The following LINGO2 variants were observed in gnomAD, a reference collection of about 807,000 sequenced individuals.
The protein encoded by LINGO2 is leucine-rich repeat and immunoglobulin-like domain-containing nogo receptor-interacting protein 2.
In LINGO2, 14 loss-of-function variants were observed where a neutral mutation model predicts 30.6. The observed-to-expected ratio is 0.46, with a 90% CI of 0.30 to 0.72. LINGO2 has a LOEUF of 0.72. Among genes scored for constraint, LINGO2 ranks in the 30% least tolerant of loss-of-function variants. The pLI, the probability that LINGO2 is intolerant of heterozygous loss-of-function variation, is 0.07. For missense variants in LINGO2, 729 were observed against 751.7 expected (o/e 0.97, Z 0.35); for synonymous variants, 317 against 288.5 (o/e 1.10, Z -1.00).
intron 5 of LINGO2, among the ~76,000 whole-genome samples, chr9:27,998,806 C>G (rs1821798174): frequency 6.6e-6 from 1 of 152,038 alleles, no homozygotes; most frequent in African/African-American, 2.4e-5. Flanking sequence ...CAGAACAAAA[C>G]AAAACAGAAT....
intron 3 of LINGO2, among the ~76,000 whole-genome samples, chr9:28,342,901 G>C (rs1819406973): frequency 6.6e-6 from 1 of 152,040 alleles, no homozygotes; most frequent in African/African-American, 2.4e-5. Flanking sequence ...TGGTCTCGCT[G>C]TTCCTGGTGA....
At chr9:28,746,253 C>T in the LINGO2 span, among the ~76,000 whole-genome samples, 1 of 151,910 alleles carries the variant, frequency 6.6e-6, no homozygotes, top group African/African-American at 2.4e-5. Flanking sequence ...ATTCATAACT[C>T]CCCCTTAGGT....
intron 4 of LINGO2, among the ~76,000 whole-genome samples, chr9:28,024,047 T>G (rs1823261179): frequency 6.6e-6 from 1 of 152,108 alleles, no homozygotes; most frequent in African/African-American, 2.4e-5. Flanking sequence ...CTATGAGGAG[T>G]CCAAGAAATG....
intron 2 of LINGO2, among the ~76,000 whole-genome samples, chr9:28,417,835 T>C (rs996307068): frequency 7.9e-5 from 12 of 152,218 alleles, no homozygotes; most frequent in Non-Finnish European, 1.3e-4. Context: ...CTCAGTTGTA[T>C]TCATCTCCAT....
At chr9:28,473,480 C>T (rs1168499964) in intron 2 of LINGO2, among the ~76,000 whole-genome samples, 1 of 151,862 alleles carries the variant, frequency 6.6e-6, no homozygotes, top group Non-Finnish European at 1.5e-5. Flanking sequence ...TGTCTCTATT[C>T]CCACTACTGT....
intron 2 of LINGO2, among the ~76,000 whole-genome samples, chr9:28,437,687 A>G (rs879356124): frequency 6.6e-6 from 1 of 151,946 alleles, no homozygotes; most frequent in Non-Finnish European, 1.5e-5. Context: ...GCCATCTCCA[A>G]TTGTTAAACT....
At chr9:28,506,485 C>CAGACATAT (rs1820135121) in intron 1 of LINGO2, among the ~76,000 whole-genome samples, 6 of 73,398 alleles carry the variant, frequency 8.2e-5, no homozygotes, top group Admixed American at 5.4e-4. Flanking sequence ...CACACATACA[C>CAGACATAT]ATACACACAC....
At chr9:28,964,014 T>C in the LINGO2 span, among the ~76,000 whole-genome samples, 16 of 152,026 alleles carry the variant, frequency 1.1e-4, no homozygotes, top group East Asian at 3.1e-3. Context: ...CATCTAATTG[T>C]GTCAGATACT....
chr9:28,052,437 A>G lies in LINGO2; in HGVS notation c.-86-40032T>C, dbSNP rs185679788. 2.4e-3 allele frequency among the ~76,000 whole-genome samples: 364 copies of G among 152,212 alleles called. 2 individuals are homozygous for G. Among genetic ancestry groups the G allele is most frequent in the African/African-American group, 8.4e-3 (350 of 41,558 alleles). ...GGAATTTGGGGGGTTCCAAGAAGCT[A>G]GAGAGCACATTTCTGGGACTTCTGG... On this transcript the variant is annotated intron_variant, in intron 4 of 5. Coordinates refer to ENST00000379992, the Ensembl canonical transcript of LINGO2.
Position 28,615,997 on chromosome 9 carries a change from T to C in LINGO2, c.-365+54203A>G, listed in dbSNP as rs1183066024. ...TTGTCAGGAGTCAAAATAGTAATTA[T>C]ATTTAGGGAGGAAAGATTATTGATT... On this transcript the variant is annotated intron_variant, in intron 1 of 5. Transcript: ENST00000379992. Among the ~76,000 whole-genome samples the C allele has an allele frequency of 3.9e-5, 6 of 152,100 alleles. No individual in the cohort carries two copies. In the South Asian group the frequency reaches 6.2e-4, roughly 16 times the overall value.
intron 4 of LINGO2, among the ~76,000 whole-genome samples, chr9:28,208,584 T>A (rs1341823850): frequency 1.3e-5 from 2 of 152,030 alleles, no homozygotes; most frequent in Non-Finnish European, 2.9e-5. Context: ...CTCCCCTTTC[T>A]TTCACTGTAT....
At chr9:28,879,393 C>A in the LINGO2 span, among the ~76,000 whole-genome samples, 1 of 152,156 alleles carries the variant, frequency 6.6e-6, no homozygotes, top group African/African-American at 2.4e-5. Flanking sequence ...TTATTCTCCA[C>A]CACATCATAT....
At chr9:28,632,856 T>TTTTA in intron 1 of LINGO2, among the ~76,000 whole-genome samples, 1 of 93,652 alleles carries the variant, frequency 1.1e-5, no homozygotes, top group African/African-American at 5.0e-5. Context: ...TATATATTTT[T>TTTTA]TATATATATA....
the LINGO2 span, among the ~76,000 whole-genome samples, chr9:28,919,289 G>A: frequency 6.6e-6 from 1 of 152,138 alleles, no homozygotes; most frequent in African/African-American, 2.4e-5. Flanking sequence ...GAATCCGTAT[G>A]ATGATGATGA....
At chr9:28,983,272 C>A in the LINGO2 span, among the ~76,000 whole-genome samples, 1 of 149,818 alleles carries the variant, frequency 6.7e-6, no homozygotes, top group South Asian at 2.1e-4. Context: ...TACTACCTGG[C>A]CTTTTTCATA....
the LINGO2 span, among the ~76,000 whole-genome samples, chr9:29,181,709 A>T: frequency 1.3e-5 from 2 of 152,182 alleles, no homozygotes; most frequent in African/African-American, 2.4e-5. Flanking sequence ...ATCAAACAAT[A>T]GACTTTCTTG....
At chr9:28,335,531 C>T (rs1825561673) in intron 3 of LINGO2, among the ~76,000 whole-genome samples, 1 of 152,140 alleles carries the variant, frequency 6.6e-6, no homozygotes, top group Non-Finnish European at 1.5e-5. Flanking sequence ...TGGGCTTATC[C>T]AGAGGATTTG....
chr9:28,180,618 C>G (rs1479038813), intron 4 of LINGO2, among the ~76,000 whole-genome samples: 1 of 152,140 alleles, frequency 6.6e-6, no homozygotes, highest in Admixed American at 6.6e-5. Flanking sequence ...TGACTGCTAA[C>G]AGCTTAAAGA....
At chr9:28,729,605 T>C in the LINGO2 span, among the ~76,000 whole-genome samples, 1 of 150,406 alleles carries the variant, frequency 6.6e-6, no homozygotes, top group Non-Finnish European at 1.5e-5. Flanking sequence ...AATCACAATA[T>C]CCTAAATGAA....
Sources: gnomAD v4.1 joint callset for allele counts (sites outside exome capture counted in the v4.1 genomes callset) on GRCh38, gnomAD v4.1.1 for gene constraint, MANE v1.5 for transcripts, NCBI Gene and HGNC (gene_info 2026-07-23, HGNC 2026-07-21) for gene names.